The following COL28A1 variants were observed in gnomAD, a reference collection of about 807,000 sequenced individuals.
The protein encoded by COL28A1 is collagen type XXVIII alpha 1 chain.
Under a neutral mutation model 150.2 loss-of-function variants are expected in COL28A1, and 161 were observed. The observed-to-expected ratio is 1.07, with a 90% confidence interval of 0.94 to 1.22. COL28A1 has a LOEUF of 1.22. Ranked by LOEUF, COL28A1 falls within the 50% of genes most tolerant of loss-of-function variation. The pLI, the probability that COL28A1 is intolerant of heterozygous loss-of-function variation, is 0.00. For synonymous variants in COL28A1, 552 were observed against 469.7 expected, an observed-to-expected ratio of 1.18 and a Z score of -2.26; for missense variants, 1,617 against 1,388.3, an observed-to-expected ratio of 1.16 and a Z score of -2.62.
intron 7 of COL28A1, among the ~76,000 whole-genome samples, chr7:7,517,204 G>T (rs971484123): frequency 2.0e-5 from 3 of 151,866 alleles, no homozygotes; most frequent in African/African-American, 4.8e-5. Flanking sequence ...CTGAGTCCAG[G>T]GCACATCCAG....
chr7:7,464,887 C>G (rs1230395034), intron 15 of COL28A1, among the ~76,000 whole-genome samples: 1 of 151,826 alleles, frequency 6.6e-6, no homozygotes, highest in Non-Finnish European at 1.5e-5. Flanking sequence ...ATTGATAGAC[C>G]ATCAGCAAGA....
chr7:7,505,882 CT>C, intron 11 of COL28A1, 131 bp downstream of exon 11: 1 of 674,922 alleles, frequency 1.5e-6, no homozygotes, highest in Non-Finnish European at 2.7e-6. Flanking sequence ...CTGTATACAT[CT>C]GCAGGTTATT....
chr7:7,443,717 A>C, intron 19 of COL28A1, 64 bp from the exon 20 acceptor site: 2 of 1,593,704 alleles, frequency 1.3e-6, no homozygotes, highest in Non-Finnish European at 1.7e-6. Context: ...GTATCATCCC[A>C]CCTTGTCTCC....
chr7:7,353,794 G>A (rs764015942), downstream of COL28A1, among the ~76,000 whole-genome samples: 1 of 152,040 alleles, frequency 6.6e-6, no homozygotes, highest in Non-Finnish European at 1.5e-5. Context: ...AACAAGAAAT[G>A]TAAGTACTTT....
At chr7:7,522,042 A>C (rs764624368) in intron 4 of COL28A1, 81 bp from the exon 5 acceptor site, 1 of 795,828 alleles carries the variant, frequency 1.3e-6, no homozygotes, top group East Asian at 2.5e-5. Flanking sequence ...TTTCAAATAC[A>C]TTTCAAAGTG....
At chr7:7,538,579 T>C (rs552075883), upstream of COL28A1, among the ~76,000 whole-genome samples, 30 of 152,332 alleles carry the variant, frequency 2.0e-4, no homozygotes, top group Non-Finnish European at 3.7e-4. Context: ...GCTACCATAG[T>C]AGCATCTGCA....
intron 27 of COL28A1, among the ~76,000 whole-genome samples, chr7:7,413,864 ATG>A (rs1206093338): frequency 6.6e-6 from 1 of 152,220 alleles, no homozygotes; most frequent in Non-Finnish European, 1.5e-5. Context: ...TAAAGCATTT[ATG>A]CATAGGAAGA....
intron 11 of COL28A1, among the ~76,000 whole-genome samples, chr7:7,491,787 A>G (rs1283619921): frequency 1.3e-5 from 2 of 152,220 alleles, no homozygotes; most frequent in Non-Finnish European, 2.9e-5. Context: ...GCATGATGAT[A>G]GGGGAAGGGG....
intron 32 of COL28A1, among the ~76,000 whole-genome samples, chr7:7,372,066 C>T (rs1019949435): frequency 3.3e-5 from 5 of 151,962 alleles, no homozygotes; most frequent in Non-Finnish European, 5.9e-5. Context: ...CTCCTGACCT[C>T]GTGATCCACT....
At chr7:7,432,403 T>G in intron 25 of COL28A1, 70 bp downstream of exon 25, 1 of 1,317,934 alleles carries the variant, frequency 7.6e-7, no homozygotes, top group East Asian at 2.3e-5. Context: ...AAAAATTTTA[T>G]TTTTACCAAA....
At chr7:7,396,218 G>A (rs904582616) in intron 27 of COL28A1, among the ~76,000 whole-genome samples, 1 of 152,124 alleles carries the variant, frequency 6.6e-6, no homozygotes, top group African/African-American at 2.4e-5. Flanking sequence ...TCCCCCTGAA[G>A]TTCTGATCCT....
chr7:7,416,816 A>G (rs1784106169), intron 27 of COL28A1, among the ~76,000 whole-genome samples: 1 of 152,176 alleles, frequency 6.6e-6, no homozygotes, highest in African/African-American at 2.4e-5. Flanking sequence ...TCTACACAGA[A>G]GTAGGCAGTT....
At position 7,440,836 on chromosome 7, in the gene COL28A1, T is replaced by C; in HGVS notation, c.1676A>G (p.Lys559Arg). The change falls in exon 21 of 35, where the codon AAA (lysine) becomes AGA (arginine). Residue 559 changes from lysine to arginine, a missense_variant. Lys to Arg is a conservative substitution (Grantham distance 26, BLOSUM62 2). Coordinates refer to ENST00000399429, the MANE Select transcript of COL28A1 (RefSeq NM_001037763.3). ...AAGTCCCCTCTGTCCTTGATTTCCT[T>C]TGCTCCCTTTCTTGCCTTCGTCACC... is the stretch of plus-strand genomic sequence containing the variant. ...PKGDEGKKGS[K>R]GNQGQRGLPG... The C allele has an allele frequency of 1.3e-6, 2 of 1,555,884 alleles. No homozygotes were observed. Among genetic ancestry groups the C allele is most frequent in the Non-Finnish European group, 1.8e-6 (2 of 1,127,612 alleles).
At chr7:7,518,990 C>G (rs143173053) in intron 6 of COL28A1, among the ~76,000 whole-genome samples, 3 of 152,128 alleles carry the variant, frequency 2.0e-5, no homozygotes, top group Non-Finnish European at 2.9e-5. Flanking sequence ...ACCCAATGTC[C>G]ATTACATTTG....
the COL28A1 span, among the ~76,000 whole-genome samples, chr7:7,348,382 C>T: frequency 3.3e-5 from 5 of 152,144 alleles, no homozygotes; most frequent in African/African-American, 1.2e-4. Flanking sequence ...AAAGGAGACA[C>T]ATTTACCCCT....
At chr7:7,483,936 A>G (rs183953546) in intron 13 of COL28A1, among the ~76,000 whole-genome samples, 2 of 152,276 alleles carry the variant, frequency 1.3e-5, no homozygotes, top group Middle Eastern at 3.4e-3. Context: ...AACATTTTAT[A>G]ACATGATGAA....
rs180867712 is a variant in COL28A1 at position 7,442,940 on chromosome 7, C to T, written c.1650+645G>A. ...GTCCCAGCTGCTTGGGAGGCTGAGG[C>T]AGGAAAATCGCTTGAACCCGGGAGG... On this transcript the variant is annotated intron_variant, in intron 20 of 34. Transcript: ENST00000399429. Among the ~76,000 whole-genome samples, 4 of 151,140 alleles carry T rather than the reference C, an allele frequency of 2.6e-5. No individual in the cohort carries two copies. The East Asian group carries it at 7.8e-4, about 29-fold the overall frequency.
intron 11 of COL28A1, among the ~76,000 whole-genome samples, chr7:7,499,360 C>T (rs1352122489): frequency 6.6e-6 from 1 of 152,136 alleles, no homozygotes; most frequent in Non-Finnish European, 1.5e-5. Flanking sequence ...CCAGAAGAAC[C>T]AGAAAGCAAA....
downstream of COL28A1, among the ~76,000 whole-genome samples, chr7:7,353,489 C>A (rs1260484202): frequency 7.0e-6 from 1 of 142,924 alleles, no homozygotes; most frequent in Non-Finnish European, 1.5e-5. Context: ...AATACTAAAC[C>A]TTCTGAAAGC....
Sources: allele counts gnomAD v4.1 joint callset (sites outside exome capture counted in the v4.1 genomes callset), GRCh38; gene constraint gnomAD v4.1.1; transcripts MANE v1.5; gene names NCBI Gene and HGNC (gene_info 2026-07-23, HGNC 2026-07-21).